AASDHPPT: variants seen among roughly 807,000 people sequenced by gnomAD.
The protein encoded by AASDHPPT is aminoadipate-semialdehyde dehydrogenase-phosphopantetheinyl transferase.
Under a neutral mutation model 36.4 loss-of-function variants are expected in AASDHPPT, and 23 were observed. That is an observed-to-expected ratio of 0.63 (90% CI 0.45 to 0.89). The LOEUF (loss-of-function observed/expected upper bound fraction) is 0.89. Ranked by LOEUF, AASDHPPT falls within the 40% of genes least tolerant of loss-of-function variation. The pLI, the probability that AASDHPPT is intolerant of heterozygous loss-of-function variation, is 0.00. For missense variants in AASDHPPT, 377 were observed against 378.2 expected (o/e 1.00, Z 0.03); for synonymous variants, 115 against 128.0 (o/e 0.90, Z 0.68).
chr11:106,083,043 T>C (rs1331103842), intron 2 of AASDHPPT, among the ~76,000 whole-genome samples: 1 of 152,168 alleles, frequency 6.6e-6, no homozygotes, highest in Non-Finnish European at 1.5e-5. Context: ...TGCTGGACTT[T>C]TTTTTTTAAA....
chr11:106,095,449 A>G (rs1355167684), intron 5 of AASDHPPT, among the ~76,000 whole-genome samples: 1 of 152,198 alleles, frequency 6.6e-6, no homozygotes, highest in Non-Finnish European at 1.5e-5. Context: ...ATCAGTTTCA[A>G]TTATTCAGCC....
At chr11:106,083,822 A>C (rs569314703) in intron 2 of AASDHPPT, among the ~76,000 whole-genome samples, 2 of 152,180 alleles carry the variant, frequency 1.3e-5, no homozygotes, top group Admixed American at 6.5e-5. Context: ...ATAGTTGACT[A>C]TGATGTCGAG....
chr11:106,088,946 C>T (rs527457432), intron 2 of AASDHPPT, among the ~76,000 whole-genome samples: 4 of 152,028 alleles, frequency 2.6e-5, no homozygotes, highest in East Asian at 1.9e-4. Context: ...AGCGGGAGTA[C>T]TGGGAGAATC....
At chr11:106,096,146 C>T (rs1861310924) in intron 5 of AASDHPPT, among the ~76,000 whole-genome samples, 1 of 152,048 alleles carries the variant, frequency 6.6e-6, no homozygotes, top group South Asian at 2.1e-4. Context: ...AGTACTGGAC[C>T]TTGACTTGTT....
intron 2 of AASDHPPT, among the ~76,000 whole-genome samples, chr11:106,083,525 C>T (rs1411421883): frequency 6.6e-6 from 1 of 152,042 alleles, no homozygotes; most frequent in Non-Finnish European, 1.5e-5. Context: ...GAACTAATGA[C>T]TAGGAATATG....
In AASDHPPT at chr11:106,077,893, G is replaced by T. The variant is rs1213737121; in HGVS notation, c.183G>T (p.Met61Ile). The T allele has an allele frequency of 1.2e-6, 2 of 1,613,680 alleles. No homozygotes were observed. The highest frequency in any genetic ancestry group is 1.3e-5 in the African/African-American group (1 of 74,932). The part of the protein sequence containing the change: ...FVFARDAKAA[M>I]AGRLMIRKLV... ...TTGCCCGGGACGCTAAGGCAGCCATGGTACTACAGGTCTTTTTTGGTATTT... is the reference window on the plus strand; with the variant it reads ...TTGCCCGGGACGCTAAGGCAGCCATTGTACTACAGGTCTTTTTTGGTATTT... Residue 61 changes from methionine (M) to isoleucine (I), a missense_variant and splice_region_variant, in exon 1 of 6, where the codon ATG becomes ATT. Met to Ile is a conservative substitution (Grantham distance 10). Transcript: ENST00000278618.
chr11:106,094,865 C>CCTGT (rs1467630966), intron 5 of AASDHPPT, among the ~76,000 whole-genome samples: 1 of 152,108 alleles, frequency 6.6e-6, no homozygotes, highest in Non-Finnish European at 1.5e-5. Context: ...GTGGCTCACA[C>CCTGT]CTGTAATCCC....
At chr11:106,091,281 C>G in intron 3 of AASDHPPT, 35 bp from the exon 4 acceptor site, 1 of 1,555,456 alleles carries the variant, frequency 6.4e-7, no homozygotes, top group Non-Finnish European at 8.6e-7. Flanking sequence ...TTTTGTCCAC[C>G]AAATTCTAAG....
At chr11:106,086,262 T>C (rs1591544284) in intron 2 of AASDHPPT, 1 of 152,310 alleles carries the variant, frequency 6.6e-6, no homozygotes, top group East Asian at 1.9e-4. Flanking sequence ...CCTTGCTTCT[T>C]CCTAGTTTCT....
At chr11:106,079,430 A>G (rs1462879611) in intron 1 of AASDHPPT, 37 bp from the exon 2 acceptor site, 3 of 1,500,742 alleles carry the variant, frequency 2.0e-6, no homozygotes, top group African/African-American at 2.8e-5. Context: ...TCTTTAGTAG[A>G]CATCAGTACA....
intron 2 of AASDHPPT, among the ~76,000 whole-genome samples, chr11:106,084,497 C>T (rs2135038692): frequency 6.6e-6 from 1 of 152,132 alleles, no homozygotes; most frequent in East Asian, 1.9e-4. Context: ...AGGGTTTCTC[C>T]ATGTTGCCTA....
chr11:106,079,516 C>A lies in AASDHPPT; in HGVS notation c.233C>A (p.Pro78His). 6.2e-7 allele frequency: 1 copy of A among 1,613,980 alleles called. No individual in the cohort carries two copies. Among genetic ancestry groups the A allele is most frequent in the Non-Finnish European group, 8.5e-7 (1 of 1,179,946 alleles). Reference sequence around the variant, plus strand: ...TTAGTTGCAGAGAAATTGAATATCCCTTGGAATCATATTCGTTTGCAAAGA... The same window carrying A: ...TTAGTTGCAGAGAAATTGAATATCCATTGGAATCATATTCGTTTGCAAAGA... ...RKLVAEKLNIPWNHIRLQRTA... is the reference protein window; with the variant it reads ...RKLVAEKLNIHWNHIRLQRTA... The change falls in exon 2 of 6, where the codon CCT becomes CAT. Residue 78 changes from proline to histidine, a missense_variant. By Grantham distance (77) the Pro-to-His change is moderately conservative. Coordinates refer to ENST00000278618, the MANE Select transcript of AASDHPPT (RefSeq NM_015423.3).
At position 106,079,561 on chromosome 11, in the gene AASDHPPT, T is replaced by G. The variant is rs747582897; in HGVS notation, c.278T>G (p.Val93Gly). The change falls in exon 2 of 6, where the codon GTT (valine) becomes GGT (glycine). Residue 93 changes from valine to glycine, a missense_variant. Transcript: ENST00000278618. ...RLQRTAKGKPVLAKDSSNPYP... is the reference protein window; with the variant it reads ...RLQRTAKGKPGLAKDSSNPYP... ...CAAAGAACTGCAAAAGGAAAACCAG[T>G]TCTTGCAAAGGACTCATCGAATCCT... 6.2e-7 allele frequency: 1 copy of G among 1,614,060 alleles called. No individual in the cohort carries two copies. The highest frequency in any genetic ancestry group is 8.5e-7 in the Non-Finnish European group (1 of 1,180,022).
chr11:106,090,510 ATTT>A, intron 2 of AASDHPPT, 44 bp from the exon 3 acceptor site: 1 of 1,488,444 alleles, frequency 6.7e-7, no homozygotes, highest in Non-Finnish European at 9.0e-7. Flanking sequence ...GCAACTTTTT[ATTT>A]TTTAATAGAA....
At chr11:106,085,624 C>T (rs1018237784) in intron 2 of AASDHPPT, among the ~76,000 whole-genome samples, 1 of 152,192 alleles carries the variant, frequency 6.6e-6, no homozygotes, top group Admixed American at 6.5e-5. Context: ...GGGAAAACCA[C>T]TTAAGCCTTA....
intron 2 of AASDHPPT, among the ~76,000 whole-genome samples, chr11:106,085,038 G>A (rs546174215): frequency 6.6e-6 from 1 of 152,230 alleles, no homozygotes; most frequent in Admixed American, 6.5e-5. Context: ...CATTTTTTAT[G>A]AGTGATATTA....
Position 106,091,402 on chromosome 11 carries a change from C to T in AASDHPPT, c.618C>T (p.Asn206=). ...TTGAATTTGATCTATCTCCATTAAA[C>T]TTGGATATAGGCCAAGTTTATAAAG... ...QRLEFDLSPL[N]LDIGQVYKET... The change falls in exon 4 of 6, where the codon AAC becomes AAT. Residue 206 remains asparagine, a synonymous_variant. Transcript: ENST00000278618. 6.2e-7 allele frequency: 1 copy of T among 1,609,360 alleles called. No individual in the cohort carries two copies. The highest frequency in any genetic ancestry group is 8.5e-7 in the Non-Finnish European group (1 of 1,178,030).
chr11:106,082,921 G>C, intron 2 of AASDHPPT, among the ~76,000 whole-genome samples: 1 of 151,986 alleles, frequency 6.6e-6, no homozygotes, highest in East Asian at 1.9e-4. Context: ...TACAAAGTAA[G>C]GCAAAATAAA....
chr11:106,080,558 C>T (rs1037400106), intron 2 of AASDHPPT, among the ~76,000 whole-genome samples: 3 of 152,108 alleles, frequency 2.0e-5, no homozygotes, highest in Non-Finnish European at 4.4e-5. Context: ...TATTTGTCAT[C>T]ATCACTAACA....
Sources: allele counts gnomAD v4.1 joint callset (sites outside exome capture counted in the v4.1 genomes callset), GRCh38; gene constraint gnomAD v4.1.1; transcripts MANE v1.5; gene names NCBI Gene and HGNC (gene_info 2026-07-23, HGNC 2026-07-21).